Variants in DPY30 observed in about 807,000 individuals in gnomAD.
DPY30 encodes dpy-30 histone methyltransferase complex regulatory subunit, also known as protein dpy-30 homolog.
A neutral mutation model predicts 16.2 loss-of-function variants in DPY30; 6 were observed. The ratio of observed to expected loss-of-function variants is 0.37; its 90% confidence interval spans 0.20 to 0.73. The LOEUF is 0.73. DPY30 is among the 30% of genes least tolerant of loss of function. The probability of loss-of-function intolerance (pLI) is 0.51; values close to 1 mark genes in which losing one functional copy is unlikely to be tolerated. For missense variants in DPY30, 73 were observed against 113.1 expected (o/e 0.65, Z 1.61); for synonymous variants, 39 against 38.8 (o/e 1.00, Z -0.02).
At position 32,029,748 on chromosome 2, in the gene DPY30, A is replaced by G; in HGVS notation, c.85-12T>C. ...TTTTCTACTATTCTCTAGTGAATTC[A>G]AAAAAACAGTGCATGAACATTTCAA... On this transcript the variant is annotated splice_polypyrimidine_tract_variant and intron_variant, in intron 3 of 4. Transcript: ENST00000342166. 6.2e-7 allele frequency: 1 copy of G among 1,612,640 alleles called. No homozygotes were observed. The highest frequency in any genetic ancestry group is 8.5e-7 in the Non-Finnish European group (1 of 1,178,998).
At chr2:32,039,561 G>C in intron 1 of DPY30, 69 bp from the exon 2 acceptor site, 1 of 1,502,100 alleles carries the variant, frequency 6.7e-7, no homozygotes, top group Non-Finnish European at 9.1e-7. Flanking sequence ...ATGGAGTGCA[G>C]CCCAGCCCCC....
intron 2 of DPY30, 36 bp downstream of exon 2, chr2:32,039,385 G>T: frequency 6.2e-7 from 1 of 1,614,066 alleles, no homozygotes; most frequent in Non-Finnish European, 8.5e-7. Context: ...CTGCCTCCCT[G>T]CACACCGCCA....
chr2:32,015,044 C>T (rs940521567), intron 5 of DPY30, among the ~76,000 whole-genome samples: 3 of 151,598 alleles, frequency 2.0e-5, no homozygotes, highest in African/African-American at 4.8e-5. Context: ...CTTTGCATAT[C>T]TTTTGTATTT....
At chr2:32,016,887 G>A (rs1221950649) in intron 5 of DPY30, among the ~76,000 whole-genome samples, 1 of 151,908 alleles carries the variant, frequency 6.6e-6, no homozygotes, top group African/African-American at 2.4e-5. Context: ...TTTCTTTTTT[G>A]TTGTTGTTTT....
At chr2:32,029,798 A>T (rs1675465787) in intron 3 of DPY30, 62 bp from the exon 4 acceptor site, 4 of 1,574,332 alleles carry the variant, frequency 2.5e-6, no homozygotes, top group Non-Finnish European at 3.5e-6. Context: ...TTGAGTGCTA[A>T]ACAAAACTAA....
Position 32,029,726 on chromosome 2 carries a change from T to G in DPY30, c.95A>C (p.Glu32Ala). The change falls in exon 4 of 5, where the codon GAA becomes GCA. Residue 32 changes from glutamate to alanine, a missense_variant. This residue lies in a region of DPY30 where 52 missense variants were observed against 71.5 expected (regional missense o/e 0.73). Coordinates refer to ENST00000342166, the MANE Select transcript of DPY30 (RefSeq NM_001321209.2). ...GLTDNVERIV[E>A]NEKINAEKSS... ...CTTTTCTGCATTAATCTTCTCATTTTCTACTATTCTCTAGTGAATTCAAAA... is the reference window on the plus strand; with the variant it reads ...CTTTTCTGCATTAATCTTCTCATTTGCTACTATTCTCTAGTGAATTCAAAA... The G allele has an allele frequency of 6.2e-7, 1 of 1,614,118 alleles. No individual in the cohort carries two copies. Among genetic ancestry groups the G allele is most frequent in the Non-Finnish European group, 8.5e-7 (1 of 1,179,994 alleles).
chr2:32,013,248 G>A (rs533472209), intron 5 of DPY30: 1 of 152,110 alleles, frequency 6.6e-6, no homozygotes, highest in Non-Finnish European at 1.5e-5. Context: ...AGCAACAATC[G>A]TAAGTCTCAT....
At chr2:32,030,519 A>C (rs1019755951) in intron 3 of DPY30, among the ~76,000 whole-genome samples, 1 of 151,282 alleles carries the variant, frequency 6.6e-6, no homozygotes, top group South Asian at 2.1e-4. Context: ...AGTCCCACTT[A>C]CTCGGGAGGC....
At chr2:32,021,961 G>A (rs1177689223), downstream of DPY30, among the ~76,000 whole-genome samples, 3 of 151,930 alleles carry the variant, frequency 2.0e-5, no homozygotes, top group Non-Finnish European at 4.4e-5. Context: ...CATAATCCTA[G>A]CACTTTGGGA....
chr2:32,026,340 G>A (rs1675330876), intron 4 of DPY30, among the ~76,000 whole-genome samples: 1 of 152,180 alleles, frequency 6.6e-6, no homozygotes, highest in African/African-American at 2.4e-5. Context: ...AGCCCAGAAG[G>A]CTGAAGCTGC....
intron 5 of DPY30, among the ~76,000 whole-genome samples, chr2:32,016,178 T>C (rs1675061479): frequency 6.6e-6 from 1 of 152,166 alleles, no homozygotes; most frequent in Non-Finnish European, 1.5e-5. Context: ...GGATTACAAG[T>C]GTGAGCCACC....
downstream of DPY30, among the ~76,000 whole-genome samples, chr2:32,021,635 C>T (rs557929609): frequency 1.9e-4 from 28 of 146,296 alleles, no homozygotes; most frequent in South Asian, 1.1e-3. Flanking sequence ...GCTGAGATTG[C>T]GCCACTGCAC....
intron 5 of DPY30, among the ~76,000 whole-genome samples, chr2:32,015,048 T>G (rs977075724): frequency 1.3e-5 from 2 of 152,014 alleles, no homozygotes; most frequent in African/African-American, 4.8e-5. Flanking sequence ...GCATATCTTT[T>G]GTATTTTGTG....
chr2:32,018,936 G>T (rs368924697), downstream of DPY30, among the ~76,000 whole-genome samples: 2 of 152,050 alleles, frequency 1.3e-5, no homozygotes, highest in East Asian at 3.9e-4. Context: ...TGAGGTGGGA[G>T]GATCACTTGA....
intron 3 of DPY30, among the ~76,000 whole-genome samples, chr2:32,038,429 A>G (rs918790085): frequency 0.25 from 5,966 of 24,328 alleles, 5 homozygotes; most frequent in Middle Eastern, 0.3. Flanking sequence ...GGGCGGGGGG[A>G]GGGAAATAGG....
intron 3 of DPY30, among the ~76,000 whole-genome samples, chr2:32,032,594 T>C (rs2148665388): frequency 6.6e-6 from 1 of 152,324 alleles, no homozygotes; most frequent in Non-Finnish European, 1.5e-5. Flanking sequence ...GCACAGTGGC[T>C]CACATCTGTA....
intron 3 of DPY30, among the ~76,000 whole-genome samples, chr2:32,030,545 GCGTGAAC>G: frequency 6.6e-6 from 1 of 151,858 alleles, no homozygotes; most frequent in East Asian, 1.9e-4. Flanking sequence ...CAGGAGAATG[GCGTGAAC>G]CTGGGAGGCG....
chr2:32,032,018 T>C (rs1446938478), intron 3 of DPY30, among the ~76,000 whole-genome samples: 1 of 152,004 alleles, frequency 6.6e-6, no homozygotes, highest in Non-Finnish European at 1.5e-5. Flanking sequence ...TCAATCATAC[T>C]CAAACTAGAT....
rs1343726926 is a variant in DPY30 at position 32,015,282 on chromosome 2, C to T, written n.378-3230G>A. 2.0e-5 allele frequency among the ~76,000 whole-genome samples: 3 copies of T among 152,060 alleles called. No homozygotes were observed. In the East Asian group the frequency reaches 5.8e-4, roughly 29 times the overall value. ...TGAACAAATCAAGAGAAGAGTTTAA[C>T]ACAGAGAGGGTCTTTTGATTTCAAC... is the stretch of plus-strand genomic sequence containing the variant. On this transcript the variant is annotated intron_variant and non_coding_transcript_variant, in intron 5 of 5. Transcript: ENST00000414013.
Sources: gnomAD v4.1 joint callset for allele counts (sites outside exome capture counted in the v4.1 genomes callset) on GRCh38, gnomAD v4.1.1 for gene constraint, gnomAD v4.1.1 regional missense constraint, MANE v1.5 for transcripts, NCBI Gene and HGNC (gene_info 2026-07-23, HGNC 2026-07-21) for gene names.